NPAS3: variants seen among roughly 807,000 people sequenced by gnomAD.
NPAS3 encodes the protein neuronal PAS domain protein 3.
NPAS3 carries 14 observed loss-of-function variants against 73.1 expected under a neutral mutation model. That is an observed-to-expected ratio of 0.19 (90% confidence interval 0.13 to 0.30). The LOEUF is 0.30. NPAS3 is among the 10% of genes least tolerant of loss of function. NPAS3 has a pLI of 1.00. For synonymous variants in NPAS3, 620 were observed against 541.5 expected, an observed-to-expected ratio of 1.14 and a Z score of -2.01; for missense variants, 1,096 against 1,250.0, an observed-to-expected ratio of 0.88 and a Z score of 1.86.
upstream of NPAS3, among the ~76,000 whole-genome samples, chr14:32,936,812 A>T (rs2035709252): frequency 1.3e-5 from 2 of 152,292 alleles, no homozygotes; most frequent in South Asian, 4.1e-4. Context: ...CACCAGGGGC[A>T]GTCCCCTACA....
chr14:33,407,311 C>A (rs768035998), intron 4 of NPAS3, among the ~76,000 whole-genome samples: 1 of 152,074 alleles, frequency 6.6e-6, no homozygotes, highest in Non-Finnish European at 1.5e-5. Flanking sequence ...CTCCACGAGT[C>A]CTAGGTACTT....
chr14:33,347,438 T>C (rs2044794316), intron 3 of NPAS3, among the ~76,000 whole-genome samples: 1 of 152,242 alleles, frequency 6.6e-6, no homozygotes, highest in Non-Finnish European at 1.5e-5. Context: ...AAATATAAAA[T>C]GGCTGCTAGA....
chr14:33,467,533 G>C (rs1263008115), intron 4 of NPAS3, among the ~76,000 whole-genome samples: 1 of 152,168 alleles, frequency 6.6e-6, no homozygotes, highest in African/African-American at 2.4e-5. Flanking sequence ...AAGTCAGCTT[G>C]AAACAGCTGA....
chr14:33,144,268 G>GT (rs1358895568), intron 2 of NPAS3, among the ~76,000 whole-genome samples: 2 of 152,172 alleles, frequency 1.3e-5, no homozygotes, highest in African/African-American at 4.8e-5. Context: ...TGGATGTGAA[G>GT]TGGGACCTCA....
At chr14:33,429,482 A>G (rs973494142) in intron 4 of NPAS3, among the ~76,000 whole-genome samples, 2 of 152,164 alleles carry the variant, frequency 1.3e-5, no homozygotes, top group African/African-American at 4.8e-5. Context: ...ACCCAACATC[A>G]TCTTCTTAGC....
At chr14:33,032,134 G>A (rs1471968721) in intron 1 of NPAS3, among the ~76,000 whole-genome samples, 10 of 152,198 alleles carry the variant, frequency 6.6e-5, no homozygotes, top group Non-Finnish European at 1.5e-5. Flanking sequence ...TAGGTGAATA[G>A]TGACTGCTCA....
rs566485388 is a variant in NPAS3, at chr14:33,078,674, A to T, written c.140+22680A>T. Among the ~76,000 whole-genome samples, 4 of 152,354 alleles carry T rather than the reference A, an allele frequency of 2.6e-5. No homozygotes were observed. In the South Asian group the frequency reaches 8.3e-4, roughly 32 times the overall value. On this transcript the variant is annotated intron_variant, in intron 2 of 11. Transcript: ENST00000356141. ...TTTTCTCTTAGAATGAAATAACCTT[A>T]GAGTAACACAATTGATGTAATATTA...
At chr14:33,369,012 T>G (rs1474461617) in intron 4 of NPAS3, among the ~76,000 whole-genome samples, 1 of 152,168 alleles carries the variant, frequency 6.6e-6, no homozygotes, top group East Asian at 1.9e-4. Context: ...GGCCTATGAG[T>G]AAGGTGTCTC....
chr14:33,552,179 CA>C (rs1490549329), intron 4 of NPAS3, among the ~76,000 whole-genome samples: 1 of 152,154 alleles, frequency 6.6e-6, no homozygotes, highest in African/African-American at 2.4e-5. Context: ...ACAGAAAGAG[CA>C]TGAGACTCAC....
intron 9 of NPAS3, among the ~76,000 whole-genome samples, chr14:33,782,895 T>A (rs1419613761): frequency 6.6e-6 from 1 of 152,162 alleles, no homozygotes; most frequent in African/African-American, 2.4e-5. Context: ...CTAACAAAAC[T>A]AATATACAGC....
intron 1 of NPAS3, among the ~76,000 whole-genome samples, chr14:33,025,110 G>T (rs2039755526): frequency 6.6e-6 from 1 of 152,178 alleles, no homozygotes; most frequent in Non-Finnish European, 1.5e-5. Flanking sequence ...AAAAAAGAGG[G>T]AGAGGACAGA....
chr14:33,254,278 T>A (rs1053490395), intron 3 of NPAS3, among the ~76,000 whole-genome samples: 1 of 152,076 alleles, frequency 6.6e-6, no homozygotes, highest in Non-Finnish European at 1.5e-5. Flanking sequence ...TGTCCTAAAC[T>A]TATATCTTAC....
chr14:33,108,883 G>A (rs1217157216), intron 2 of NPAS3, among the ~76,000 whole-genome samples: 1 of 152,116 alleles, frequency 6.6e-6, no homozygotes, highest in Non-Finnish European at 1.5e-5. Flanking sequence ...TTGACACATT[G>A]AAATATAAAG....
intron 5 of NPAS3, among the ~76,000 whole-genome samples, chr14:33,597,969 T>A (rs773593913): frequency 3.9e-5 from 6 of 152,254 alleles, no homozygotes; most frequent in Non-Finnish European, 5.9e-5. Flanking sequence ...CCAAAGTTGC[T>A]AAATTTCTCT....
At chr14:33,076,081 G>A (rs1566534013) in intron 2 of NPAS3, among the ~76,000 whole-genome samples, 1 of 152,040 alleles carries the variant, frequency 6.6e-6, no homozygotes, top group Non-Finnish European at 1.5e-5. Context: ...AACCCATCTT[G>A]TATTTCTATC....
intron 4 of NPAS3, among the ~76,000 whole-genome samples, chr14:33,461,072 A>G (rs1488386992): frequency 6.6e-6 from 1 of 152,228 alleles, no homozygotes; most frequent in African/African-American, 2.4e-5. Context: ...GGTGCGGACG[A>G]TACTAATAAT....
intron 5 of NPAS3, among the ~76,000 whole-genome samples, chr14:33,645,989 AAGGGGAGCT>A (rs1258886023): frequency 1.3e-5 from 2 of 152,228 alleles, no homozygotes; most frequent in Non-Finnish European, 2.9e-5. Flanking sequence ...ATGTCTTTGC[AAGGGGAGCT>A]AGGTCAAAAG....
Position 33,313,344 on chromosome 14 carries a change from C to G in NPAS3, c.386-53842C>G, listed in dbSNP as rs148016106. On this transcript the variant is annotated intron_variant, in intron 3 of 11. Transcript: ENST00000356141. ...GACACACTGAGAGTTAATGCTGTAT[C>G]CCAGCGGTTTATTGAATCACAGTGC... is the stretch of plus-strand genomic sequence containing the variant. Among the ~76,000 whole-genome samples, 789 of 152,078 alleles carry G rather than the reference C, an allele frequency of 5.2e-3. 6 individuals are homozygous for G. The highest frequency in any genetic ancestry group is 0.011 in the Admixed American group (163 of 15,256).
At chr14:33,471,085 G>A (rs551617326) in intron 4 of NPAS3, among the ~76,000 whole-genome samples, 50 of 152,262 alleles carry the variant, frequency 3.3e-4, no homozygotes, top group African/African-American at 9.9e-4. Flanking sequence ...AGAGCTCTGC[G>A]CATATTAGGT....
Sources: allele counts gnomAD v4.1 joint callset (sites outside exome capture counted in the v4.1 genomes callset), GRCh38; gene constraint gnomAD v4.1.1; transcripts MANE v1.5; gene names NCBI Gene and HGNC (gene_info 2026-07-23, HGNC 2026-07-21).